Variants in OXR1 observed in about 807,000 individuals in gnomAD.
OXR1 encodes oxidation resistance 1, also known as oxidation resistance protein 1.
A neutral mutation model predicts 104.6 loss-of-function variants in OXR1; 41 were observed. The ratio of observed to expected loss-of-function variants is 0.39; its 90% confidence interval spans 0.31 to 0.51. OXR1 has a LOEUF of 0.51. Ranked by LOEUF, OXR1 falls within the 20% of genes least tolerant of loss-of-function variation. OXR1 has a pLI of 0.77. For synonymous variants in OXR1, 348 were observed against 348.4 expected (o/e 1.00, Z 0.01); for missense variants, 955 against 1,031.9 (o/e 0.93, Z 1.02).
At chr8:106,601,483 C>T (rs768775575) in intron 3 of OXR1, among the ~76,000 whole-genome samples, 4 of 152,300 alleles carry the variant, frequency 2.6e-5, no homozygotes, top group African/African-American at 4.8e-5. Context: ...GGAGAGAGCC[C>T]GGGCCCTTCC....
intron 11 of OXR1, among the ~76,000 whole-genome samples, chr8:106,734,531 G>T (rs1304335531): frequency 2.0e-5 from 3 of 152,148 alleles, no homozygotes; most frequent in Non-Finnish European, 4.4e-5. Context: ...ATTGAAGAAA[G>T]GGAGATTTGG....
chr8:106,547,826 G>A (rs1815494299), intron 3 of OXR1, among the ~76,000 whole-genome samples: 1 of 152,104 alleles, frequency 6.6e-6, no homozygotes, highest in Admixed American at 6.5e-5. Flanking sequence ...TTTTAGGAAT[G>A]AATATTATTC....
chr8:106,591,172 C>A (rs1342186123), intron 3 of OXR1, among the ~76,000 whole-genome samples: 1 of 150,704 alleles, frequency 6.6e-6, no homozygotes, highest in African/African-American at 2.4e-5. Flanking sequence ...TCATTCTCAG[C>A]AAACTATCGC....
At chr8:106,275,038 A>C (rs1434809522) in intron 1 of OXR1, among the ~76,000 whole-genome samples, 1 of 152,264 alleles carries the variant, frequency 6.6e-6, no homozygotes, top group African/African-American at 2.4e-5. Flanking sequence ...ATATATCTCT[A>C]AAAGTATCTG....
At chr8:106,608,697 A>C (rs1209004251) in intron 3 of OXR1, among the ~76,000 whole-genome samples, 1 of 152,224 alleles carries the variant, frequency 6.6e-6, no homozygotes, top group African/African-American at 2.4e-5. Flanking sequence ...CTCAGTACCC[A>C]GTGACAGGCC....
intron 1 of OXR1, among the ~76,000 whole-genome samples, chr8:106,349,319 T>A (rs1815628253): frequency 6.6e-6 from 1 of 152,148 alleles, no homozygotes; most frequent in South Asian, 2.1e-4. Context: ...TTAACTTTTT[T>A]AAAAAATTAG....
At chr8:106,544,629 A>G in intron 3 of OXR1, among the ~76,000 whole-genome samples, 1 of 152,194 alleles carries the variant, frequency 6.6e-6, no homozygotes, top group East Asian at 1.9e-4. Flanking sequence ...CTCTGCAAAT[A>G]AAAATAATGG....
At chr8:106,707,222 C>T (rs975700284) in intron 9 of OXR1, 77 bp downstream of exon 9, 17 of 1,385,878 alleles carry the variant, frequency 1.2e-5, no homozygotes, top group East Asian at 9.3e-5. Flanking sequence ...ACTCAAAAGC[C>T]GCTGTACCTT....
intron 2 of OXR1, among the ~76,000 whole-genome samples, chr8:106,378,649 A>C (rs1413859982): frequency 6.6e-6 from 1 of 152,138 alleles, no homozygotes. Context: ...AGCTGGGATT[A>C]CAGGCATGTG....
At chr8:106,553,717 A>G (rs1177436463) in intron 3 of OXR1, among the ~76,000 whole-genome samples, 1 of 152,208 alleles carries the variant, frequency 6.6e-6, no homozygotes, top group Non-Finnish European at 1.5e-5. Flanking sequence ...TAATCTATAC[A>G]TCCACCTCCA....
chr8:106,519,113 G>A lies in OXR1; in HGVS notation c.194G>A (p.Ser65Asn), dbSNP rs370749034. 38 of 1,551,606 alleles carry A rather than the reference G, an allele frequency of 2.4e-5. No individual in the cohort carries two copies. Among genetic ancestry groups the A allele is most frequent in the Middle Eastern group, 1.7e-4 (1 of 6,018 alleles). The stretch of plus-strand genomic sequence containing the variant: ...ACTCAGAAACATCCTTCCAGAAGGA[G>A]CGAACTGAAGAGGTTCTACACAATT... ...ANTQKHPSRR[S>N]ELKRFYTIDT... Residue 65 changes from serine (S) to asparagine (N), a missense_variant, in exon 3 of 17, where the codon AGC (serine) becomes AAC (asparagine). By Grantham distance (46) the Ser-to-Asn change is conservative. This residue lies in a region of OXR1 where 849 missense variants were observed against 852.9 expected (regional missense o/e 1.00). Coordinates refer to ENST00000517566, the MANE Select transcript of OXR1 (RefSeq NM_001198533.2).
intron 2 of OXR1, among the ~76,000 whole-genome samples, chr8:106,502,261 G>T (rs4734138): frequency 6.6e-6 from 1 of 151,914 alleles, no homozygotes; most frequent in East Asian, 1.9e-4. Flanking sequence ...TTTTTAACAA[G>T]GGGCCTCACA....
chr8:106,636,314 CA>C (rs1188807487), intron 3 of OXR1, among the ~76,000 whole-genome samples: 6 of 126,208 alleles, frequency 4.8e-5, no homozygotes, highest in Non-Finnish European at 8.4e-5. Flanking sequence ...TAAAGCACAT[CA>C]TTTTTTTTTT....
rs1445241461 is a variant in OXR1 at position 106,707,028 on chromosome 8, C to T, written c.1507C>T (p.Arg503Cys). 1.1e-5 allele frequency: 18 copies of T among 1,613,778 alleles called. No homozygotes were observed. Among genetic ancestry groups the T allele is most frequent in the Non-Finnish European group, 1.2e-5 (14 of 1,179,896 alleles). ...QDSQTEAEELRKLWKTHTMQQ... is the reference protein window; with the variant it reads ...QDSQTEAEELCKLWKTHTMQQ... ...CTCACAGACAGAGGCAGAAGAGCTA[C>T]GCAAACTTTGGAAAACCCATACTAT... Residue 503 changes from arginine (R) to cysteine (C), a missense_variant, in exon 9 of 17, where the codon CGC (arginine) becomes TGC (cysteine). Physicochemically the swap from Arg to Cys is radical, Grantham distance 180. Coordinates refer to ENST00000517566, the MANE Select transcript of OXR1 (RefSeq NM_001198533.2).
intron 3 of OXR1, among the ~76,000 whole-genome samples, chr8:106,678,292 G>A (rs1827804722): frequency 6.6e-6 from 1 of 151,820 alleles, no homozygotes; most frequent in Admixed American, 6.6e-5. Context: ...TTAGATAGAG[G>A]GAGAACAATG....
chr8:106,294,553 C>G (rs920369614), intron 1 of OXR1, among the ~76,000 whole-genome samples: 5 of 151,868 alleles, frequency 3.3e-5, no homozygotes, highest in Non-Finnish European at 7.4e-5. Context: ...ACAATCATGG[C>G]AGAAGATGAA....
In OXR1 at chr8:106,641,752, A is replaced by G. The variant is rs572220331; in HGVS notation, c.221-37458A>G. Among the ~76,000 whole-genome samples, 4 of 152,342 alleles carry G rather than the reference A, an allele frequency of 2.6e-5. No homozygotes were observed. In the East Asian group the frequency reaches 7.7e-4, roughly 29 times the overall value. ...AAAAGAGGAACATATTACCAGGGAC[A>G]AAAAACAAACAAAAAAGACTGGCAT... is the stretch of plus-strand genomic sequence containing the variant. On this transcript the variant is annotated intron_variant, in intron 3 of 16. Transcript: ENST00000517566.
At chr8:106,424,187 C>G (rs11990041) in intron 2 of OXR1, among the ~76,000 whole-genome samples, 7,292 of 152,180 alleles carry the variant, frequency 0.048, 555 homozygotes, top group African/African-American at 0.16. Flanking sequence ...ATCCACCCCC[C>G]TCAGCCTCCC....
At chr8:106,480,602 A>G (rs1322289212) in intron 2 of OXR1, among the ~76,000 whole-genome samples, 2 of 151,916 alleles carry the variant, frequency 1.3e-5, no homozygotes, top group African/African-American at 2.4e-5. Flanking sequence ...AAACTAGATA[A>G]TGCTACACAA....
Sources: allele counts gnomAD v4.1 joint callset (sites outside exome capture counted in the v4.1 genomes callset), GRCh38; gene constraint gnomAD v4.1.1; regional missense constraint gnomAD v4.1.1; transcripts MANE v1.5; gene names NCBI Gene and HGNC (gene_info 2026-07-23, HGNC 2026-07-21).